The following MDN1 variants were observed in gnomAD, a reference collection of about 807,000 sequenced individuals.
MDN1 encodes the protein midasin AAA ATPase 1.
MDN1 carries 266 observed loss-of-function variants against 669.2 expected under a neutral mutation model. The observed-to-expected ratio is 0.40, with a 90% CI of 0.36 to 0.44. The LOEUF is 0.44. Ranked by LOEUF, MDN1 falls within the 20% of genes least tolerant of loss-of-function variation. The probability of loss-of-function intolerance (pLI) is 1.00; values close to 1 mark genes in which losing one functional copy is unlikely to be tolerated. For synonymous variants in MDN1, 2,385 were observed against 2,457.1 expected, an observed-to-expected ratio of 0.97 and a Z score of 0.87; for missense variants, 5,940 against 6,754.0, an observed-to-expected ratio of 0.88 and a Z score of 4.22.
At chr6:89,803,584 C>CT (rs71027903) in intron 1 of MDN1, 30 bp from the exon 2 acceptor site, 248,202 of 1,208,588 alleles carry the variant, frequency 0.21, 138 homozygotes, top group Non-Finnish European at 0.22. Context: ...ACATCTTTCA[C>CT]TTTTTTTTTT....
Position 89,688,098 on chromosome 6 carries a change from T to C in MDN1, c.11335A>G (p.Ile3779Val). The change falls in exon 67 of 102, where the codon ATC becomes GTC. Residue 3779 changes from isoleucine (I) to valine (V), a missense_variant. Physicochemically the swap from Ile to Val is conservative, Grantham distance 29 (BLOSUM62 3). This residue lies in a region of MDN1 where 2,280 missense variants were observed against 2,576.3 expected (regional missense o/e 0.88). Transcript: ENST00000369393. ...PISKFLNGLE[I>V]LLAKAQDWEE... Reference sequence around the variant, plus strand: ...CTCACCTGTGCCTTTGCCAGAAGGATCTCTAAGCCATTCAGGAACTTTGAG... The same window carrying C: ...CTCACCTGTGCCTTTGCCAGAAGGACCTCTAAGCCATTCAGGAACTTTGAG... The C allele has an allele frequency of 6.2e-7, 1 of 1,613,968 alleles. No homozygotes were observed. Among genetic ancestry groups the C allele is most frequent in the Non-Finnish European group, 8.5e-7 (1 of 1,179,870 alleles).
Position 89,753,618 on chromosome 6 carries a change from A to T in MDN1, c.2969T>A (p.Phe990Tyr), listed in dbSNP as rs768718169. 3 of 1,609,096 alleles carry T rather than the reference A, an allele frequency of 1.9e-6. No homozygotes were observed. In the South Asian group the frequency reaches 3.3e-5, roughly 18 times the overall value. The part of the protein sequence containing the change: ...GNIQRSLYEG[F>Y]CLGFLTQLDR... ...AAGCTGTGTTAAGAAACCCAAACAA[A>T]AACCCTAGAAAGAAAAGACAAATAT... The change falls in exon 22 of 102, where the codon TTT becomes TAT. Residue 990 changes from phenylalanine (F) to tyrosine (Y), a missense_variant. By Grantham distance (22) the Phe-to-Tyr change is conservative. Coordinates refer to ENST00000369393, the MANE Select transcript of MDN1 (RefSeq NM_014611.3).
rs755802744 is a variant in MDN1, at chr6:89,695,563, G to A, written c.9771+42C>T. 4.5e-6 allele frequency: 7 copies of A among 1,543,054 alleles called. No individual in the cohort carries two copies. The highest frequency in any genetic ancestry group is 1.3e-5 in the South Asian group (1 of 79,864). On this transcript the variant is annotated intron_variant, in intron 61 of 101. Transcript: ENST00000369393. This position sits in a 1 kb window ranked among gnomAD's most constrained non-coding sequence, Gnocchi z 4.1. Reference sequence around the variant, plus strand: ...GTAATACAATAAGCAAACCCAGCACGTCAGGGAAGGAGCCCATGCTCCATA... The same window carrying A: ...GTAATACAATAAGCAAACCCAGCACATCAGGGAAGGAGCCCATGCTCCATA...
chr6:89,722,867 A>AT, intron 40 of MDN1, 88 bp downstream of exon 40: 1 of 1,030,006 alleles, frequency 9.7e-7, no homozygotes, highest in Non-Finnish European at 1.4e-6. Context: ...AAAAAAAAAA[A>AT]GGCTTGCAAT....
chr6:89,740,120 A>T, intron 32 of MDN1, 114 bp downstream of exon 32: 1 of 1,228,520 alleles, frequency 8.1e-7, no homozygotes, highest in Non-Finnish European at 1.1e-6. Context: ...TACACTTTTT[A>T]CCCACTTTTT....
chr6:89,672,679 A>C lies in MDN1; in HGVS notation c.13498T>G (p.Phe4500Val). 6.2e-7 allele frequency: 1 copy of C among 1,613,956 alleles called. No homozygotes were observed. The highest frequency in any genetic ancestry group is 8.5e-7 in the Non-Finnish European group (1 of 1,179,990). Residue 4500 changes from phenylalanine to valine, a missense_variant, in exon 81 of 102, where the codon TTT (phenylalanine) becomes GTT (valine). Transcript: ENST00000369393. Reference sequence around the variant, plus strand: ...ATTTGCTCTGAAAAATCTTCCACAAATCCTTCGTCCAACATTTGATTTCCT... The same window carrying C: ...ATTTGCTCTGAAAAATCTTCCACAACTCCTTCGTCCAACATTTGATTTCCT... Reference protein sequence around the residue: ...QGGNQMLDEGFVEDFSEQMEI... With the variant: ...QGGNQMLDEGVVEDFSEQMEI...
chr6:89,716,760 C>T lies in MDN1; in HGVS notation c.6633G>A (p.Thr2211=), dbSNP rs377732676. 2.5e-5 allele frequency: 41 copies of T among 1,613,548 alleles called. No homozygotes were observed. The highest frequency in any genetic ancestry group is 4.5e-5 in the East Asian group (2 of 44,854). Residue 2211 remains threonine (T), a synonymous_variant, in exon 44 of 102, where the codon ACG becomes ACA. Transcript: ENST00000369393. ...EEFRSFGVKL[T]QLASGHSHGT... ...CATGGCTATGGCCACTGGCCAACTG[C>T]GTAAGCTTCACACCAAAGCTTCGGA...
At chr6:89,777,478 T>C (rs1250938277) in intron 11 of MDN1, among the ~76,000 whole-genome samples, 2 of 152,132 alleles carry the variant, frequency 1.3e-5, no homozygotes, top group Non-Finnish European at 2.9e-5. Context: ...ATGATAATAG[T>C]CCCTTCCTAA....
intron 70 of MDN1, among the ~76,000 whole-genome samples, chr6:89,685,320 C>CT (rs1349248309): frequency 3.3e-5 from 5 of 152,096 alleles, no homozygotes; most frequent in South Asian, 2.1e-4. Flanking sequence ...AGAAACTGAG[C>CT]TTTTTTTAAA....
intron 39 of MDN1, 23 bp downstream of exon 39, chr6:89,723,489 A>C (rs1431385782): frequency 2.2e-6 from 3 of 1,371,734 alleles, no homozygotes; most frequent in South Asian, 2.6e-5. Context: ...AAAAAAAAGA[A>C]ACCAATACGT....
At chr6:89,701,255 T>C (rs1813140640) in intron 55 of MDN1, among the ~76,000 whole-genome samples, 1 of 152,256 alleles carries the variant, frequency 6.6e-6, no homozygotes, top group African/African-American at 2.4e-5. Context: ...CAATACAGTA[T>C]AATCACTATT....
At chr6:89,702,261 G>C (rs1210190043) in intron 53 of MDN1, among the ~76,000 whole-genome samples, 200 bp from the exon 54 acceptor site, 1 of 152,206 alleles carries the variant, frequency 6.6e-6, no homozygotes, top group East Asian at 1.9e-4. Flanking sequence ...GAACAGTAAG[G>C]CAGACAGAGG....
intron 2 of MDN1, among the ~76,000 whole-genome samples, chr6:89,800,983 T>G (rs1402537335): frequency 1.3e-5 from 2 of 152,252 alleles, no homozygotes; most frequent in East Asian, 3.8e-4. Context: ...AAGGAACTGT[T>G]TTTTTCTTCT....
At chr6:89,804,981 G>A (rs892421188) in intron 1 of MDN1, among the ~76,000 whole-genome samples, 1 of 137,686 alleles carries the variant, frequency 7.3e-6, no homozygotes, top group Admixed American at 8.0e-5. Flanking sequence ...AGCCTGTAGT[G>A]AGCCGAGATC....
At chr6:89,690,572 A>G in intron 64 of MDN1, 101 bp downstream of exon 64, 4 of 1,393,720 alleles carry the variant, frequency 2.9e-6, no homozygotes. Context: ...ATACATACAT[A>G]CAGAGAGAGA....
chr6:89,643,255 C>T lies in MDN1; in HGVS notation c.*750G>A, dbSNP rs1330056293. The stretch of plus-strand genomic sequence containing the variant: ...AATGAACTAAACAAATAAATTACTA[C>T]AACAACAGGGACCATGGCACTGAAT... On this transcript the variant is annotated 3_prime_UTR_variant, in exon 102 of 102. Coordinates refer to ENST00000369393, the MANE Select transcript of MDN1 (RefSeq NM_014611.3). 1 of 152,000 alleles carries T rather than the reference C, an allele frequency of 6.6e-6. No homozygotes were observed. The highest frequency in any genetic ancestry group is 1.5e-5 in the Non-Finnish European group (1 of 68,006). The allele number at this position is 152,000 out of a possible 1,614,324, so 9.4% of individuals were successfully genotyped here.
intron 15 of MDN1, among the ~76,000 whole-genome samples, chr6:89,769,820 A>G (rs969523134): frequency 1.3e-5 from 2 of 152,212 alleles, no homozygotes; most frequent in Admixed American, 1.3e-4. Flanking sequence ...CTAACATAAC[A>G]CTACAAATTC....
At chr6:89,677,717 C>A in intron 75 of MDN1, 21 bp from the exon 76 acceptor site, 1 of 1,613,712 alleles carries the variant, frequency 6.2e-7, no homozygotes, top group South Asian at 1.1e-5. Flanking sequence ...AACAGCATTT[C>A]TTTAAGCAAA....
chr6:89,766,216 T>C (rs1004597559), intron 15 of MDN1, among the ~76,000 whole-genome samples: 2 of 151,992 alleles, frequency 1.3e-5, no homozygotes, highest in Admixed American at 1.3e-4. Flanking sequence ...GAAGAATCGC[T>C]TGGGCCCGGG....
Sources: gnomAD v4.1 joint callset for allele counts (sites outside exome capture counted in the v4.1 genomes callset) on GRCh38, gnomAD v4.1.1 for gene constraint, gnomAD v4.1.1 regional missense constraint, Gnocchi (gnomAD v3.1) non-coding constraint, MANE v1.5 for transcripts, NCBI Gene and HGNC (gene_info 2026-07-23, HGNC 2026-07-21) for gene names.